FOXP2: variants seen among roughly 807,000 people sequenced by gnomAD.
The protein encoded by FOXP2 is forkhead box P2.
A neutral mutation model predicts 115.8 loss-of-function variants in FOXP2; 12 were observed. The ratio of observed to expected loss-of-function variants is 0.10; its 90% CI spans 0.07 to 0.17. FOXP2 has a LOEUF of 0.17. Among genes scored for constraint, FOXP2 ranks in the 10% least tolerant of loss-of-function variants. FOXP2 has a pLI of 1.00. For synonymous variants in FOXP2, 328 were observed against 297.7 expected (o/e 1.10, Z -1.05); for missense variants, 629 against 843.5 (o/e 0.75, Z 3.15).
At chr7:114,363,024 T>A (rs1391759420) in intron 2 of FOXP2, among the ~76,000 whole-genome samples, 2 of 152,060 alleles carry the variant, frequency 1.3e-5, no homozygotes, top group Non-Finnish European at 2.9e-5. Context: ...TGTGACTATC[T>A]AATTTAAGTA....
chr7:114,622,759 C>T (rs1804323779), intron 3 of FOXP2, among the ~76,000 whole-genome samples: 1 of 151,774 alleles, frequency 6.6e-6, no homozygotes, highest in Admixed American at 6.6e-5. Context: ...ATCAAAATCA[C>T]AATTGTTTTG....
chr7:114,387,111 A>T (rs115896046), intron 2 of FOXP2, among the ~76,000 whole-genome samples: 193 of 152,308 alleles, frequency 1.3e-3, no homozygotes, highest in African/African-American at 4.4e-3. Flanking sequence ...ATAAATACAT[A>T]TATGTTAAAG....
At chr7:114,575,246 G>A (rs1341370257) in intron 3 of FOXP2, among the ~76,000 whole-genome samples, 1 of 151,684 alleles carries the variant, frequency 6.6e-6, no homozygotes, top group East Asian at 1.9e-4. Context: ...GTGGTAACGG[G>A]AATTAAATAT....
rs925874804 is a variant in FOXP2 at position 114,622,454 on chromosome 7, A to G, written c.259-6086A>G. ...GGAGAGCAATTACTTCTCTGCTTTC[A>G]TCTTTTGAGCTCTGATACATCAAGC... On this transcript the variant is annotated intron_variant, in intron 3 of 16. Transcript: ENST00000350908. Among the ~76,000 whole-genome samples the G allele has an allele frequency of 3.0e-4, 46 of 151,904 alleles. 2 individuals are homozygous for G. Among genetic ancestry groups the G allele is most frequent in the Admixed American group, 2.8e-3 (43 of 15,192 alleles).
At chr7:114,178,665 C>G (rs988795100) in intron 1 of FOXP2, among the ~76,000 whole-genome samples, 1 of 151,918 alleles carries the variant, frequency 6.6e-6, no homozygotes, top group Non-Finnish European at 1.5e-5. Context: ...AATCTAGGTT[C>G]TCAAATTTGA....
intron 3 of FOXP2, 65 bp downstream of exon 3, chr7:114,534,771 G>A (rs1799299255): frequency 2.4e-6 from 3 of 1,240,148 alleles, no homozygotes; most frequent in Non-Finnish European, 3.6e-6. Flanking sequence ...TAACAGATGT[G>A]CAGACCCACT....
rs140136006 is a variant in FOXP2, at chr7:114,101,139, T to C, written c.-247+13301T>C. On this transcript the variant is annotated intron_variant, in intron 1 of 19. Coordinates refer to the FOXP2 transcript ENST00000635638. ...CTCTGTAGGGTGGTTTGGGTTGATGTTTCACCTTCAACAAGTTGTGTCACA... is the reference window on the plus strand; with the variant it reads ...CTCTGTAGGGTGGTTTGGGTTGATGCTTCACCTTCAACAAGTTGTGTCACA... 3.3e-5 allele frequency among the ~76,000 whole-genome samples: 5 copies of C among 152,280 alleles called. No individual in the cohort carries two copies. In the East Asian group the frequency reaches 9.6e-4, roughly 29 times the overall value.
chr7:114,581,397 G>T (rs191575528), intron 3 of FOXP2, among the ~76,000 whole-genome samples: 1 of 151,976 alleles, frequency 6.6e-6, no homozygotes, highest in African/African-American at 2.4e-5. Flanking sequence ...GCCCAGGCTG[G>T]TCTTGAACTC....
At chr7:114,548,668 C>G (rs776218167) in intron 3 of FOXP2, among the ~76,000 whole-genome samples, 2 of 152,102 alleles carry the variant, frequency 1.3e-5, no homozygotes, top group Non-Finnish European at 2.9e-5. Context: ...ATTAAAGACT[C>G]AGTATATACT....
chr7:114,513,157 T>G (rs368274484), intron 2 of FOXP2, among the ~76,000 whole-genome samples: 1 of 152,158 alleles, frequency 6.6e-6, no homozygotes, highest in African/African-American at 2.4e-5. Flanking sequence ...ACTACTTTCA[T>G]AATACAGTTT....
intron 1 of FOXP2, among the ~76,000 whole-genome samples, chr7:114,209,198 A>T (rs908073888): frequency 1.3e-5 from 2 of 152,144 alleles, no homozygotes; most frequent in African/African-American, 4.8e-5. Flanking sequence ...TTTGCTGGAC[A>T]TTCATTCTTC....
intron 1 of FOXP2, among the ~76,000 whole-genome samples, chr7:114,129,009 C>T (rs1255067232): frequency 1.3e-5 from 2 of 152,152 alleles, no homozygotes; most frequent in Non-Finnish European, 2.9e-5. Context: ...CCTTGGATAT[C>T]TGGCTGCCAG....
intron 2 of FOXP2, among the ~76,000 whole-genome samples, chr7:114,369,332 A>G (rs1195486187): frequency 1.3e-5 from 2 of 152,200 alleles, no homozygotes; most frequent in African/African-American, 4.8e-5. Context: ...ATTTGTAGGT[A>G]TCTTTACAAC....
chr7:114,395,246 A>T (rs1397029327), intron 2 of FOXP2, among the ~76,000 whole-genome samples: 1 of 152,208 alleles, frequency 6.6e-6, no homozygotes, highest in African/African-American at 2.4e-5. Flanking sequence ...GATATCCACA[A>T]ATAAAATATA....
rs185941905 is a variant in FOXP2 at position 114,511,966 on chromosome 7, T to C, written c.169-22651T>C. 6.3e-3 allele frequency among the ~76,000 whole-genome samples: 956 copies of C among 152,246 alleles called. 6 individuals carry two copies. Among genetic ancestry groups the C allele is most frequent in the African/African-American group, 0.022 (914 of 41,560 alleles). ...AAAATCTTTTAAAACACCAAGTAAA[T>C]GAATAGAATAAATTGCAATTTAAAT... On this transcript the variant is annotated intron_variant, in intron 2 of 16. Coordinates refer to ENST00000350908, the MANE Select transcript of FOXP2 (RefSeq NM_014491.4).
intron 1 of FOXP2, among the ~76,000 whole-genome samples, chr7:114,281,381 A>C (rs1796334276): frequency 6.6e-6 from 1 of 152,048 alleles, no homozygotes; most frequent in African/African-American, 2.4e-5. Context: ...GATTACAGGC[A>C]TGAGCCACCG....
At chr7:114,584,724 C>G (rs1248546857) in intron 3 of FOXP2, among the ~76,000 whole-genome samples, 4 of 152,196 alleles carry the variant, frequency 2.6e-5, no homozygotes, top group African/African-American at 9.7e-5. Flanking sequence ...TCTCCTTCCT[C>G]TCTGCTCTGA....
intron 3 of FOXP2, among the ~76,000 whole-genome samples, chr7:114,535,980 T>C (rs1479576589): frequency 6.6e-6 from 1 of 151,686 alleles, no homozygotes; most frequent in Non-Finnish European, 1.5e-5. Context: ...ACCATCATAT[T>C]CTTCCCCAAT....
rs535938961 is a variant in FOXP2, at chr7:114,243,426, G to A, written c.-101-44593G>A. Among the ~76,000 whole-genome samples, 6 of 152,262 alleles carry A rather than the reference G, an allele frequency of 3.9e-5. No homozygotes were observed. In the South Asian group the frequency reaches 1.2e-3, roughly 32 times the overall value. On this transcript the variant is annotated intron_variant, in intron 1 of 17. Coordinates refer to the FOXP2 transcript ENST00000634411. ...TTGATTGCCCTGAACATCTTTGTAT[G>A]TCTTTAGTTTGCTTCTGTGCTCTAG... is the stretch of plus-strand genomic sequence containing the variant.
Sources: allele counts gnomAD v4.1 joint callset (sites outside exome capture counted in the v4.1 genomes callset), GRCh38; gene constraint gnomAD v4.1.1; transcripts MANE v1.5; gene names NCBI Gene and HGNC (gene_info 2026-07-23, HGNC 2026-07-21).